The following SLC9A9 variants were observed in gnomAD, a reference collection of about 807,000 sequenced individuals.
SLC9A9 encodes solute carrier family 9 member A9.
Under a neutral mutation model 77.8 loss-of-function variants are expected in SLC9A9, and 62 were observed. The observed-to-expected ratio is 0.80, with a 90% CI of 0.65 to 0.98. The LOEUF is 0.98. Ranked by LOEUF, SLC9A9 falls within the 50% of genes least tolerant of loss-of-function variation. The pLI is 0.00. For synonymous variants in SLC9A9, 320 were observed against 283.5 expected, an observed-to-expected ratio of 1.13 and a Z score of -1.29; for missense variants, 775 against 774.9, an observed-to-expected ratio of 1.00 and a Z score of 0.00.
intron 4 of SLC9A9, among the ~76,000 whole-genome samples, chr3:143,735,986 C>T (rs142571323): frequency 3.9e-5 from 6 of 152,264 alleles, no homozygotes; most frequent in Admixed American, 3.3e-4. Context: ...AAAATAATGA[C>T]ATGAAATATC....
chr3:143,351,065 T>C (rs1406141688), intron 14 of SLC9A9, among the ~76,000 whole-genome samples: 1 of 152,206 alleles, frequency 6.6e-6, no homozygotes, highest in Non-Finnish European at 1.5e-5. Flanking sequence ...ACAAGAATTT[T>C]ATACCAGCAA....
intron 6 of SLC9A9, among the ~76,000 whole-genome samples, chr3:143,582,875 G>T (rs2037480129): frequency 6.6e-6 from 1 of 152,152 alleles, no homozygotes; most frequent in African/African-American, 2.4e-5. Context: ...GGCTGGGCAG[G>T]GTGGCTCGCT....
intron 5 of SLC9A9, among the ~76,000 whole-genome samples, chr3:143,667,425 G>A (rs1363748665): frequency 6.6e-6 from 1 of 152,150 alleles, no homozygotes; most frequent in Non-Finnish European, 1.5e-5. Context: ...GCATGGGCAA[G>A]GACTTCATGT....
At chr3:143,756,402 T>C (rs1236947764) in intron 4 of SLC9A9, among the ~76,000 whole-genome samples, 1 of 152,198 alleles carries the variant, frequency 6.6e-6, no homozygotes, top group Non-Finnish European at 1.5e-5. Flanking sequence ...TACCTAAATC[T>C]AGTGCCATGT....
intron 6 of SLC9A9, among the ~76,000 whole-genome samples, chr3:143,646,353 A>G (rs2038707746): frequency 6.8e-6 from 1 of 148,138 alleles, no homozygotes; most frequent in African/African-American, 2.4e-5. Flanking sequence ...GTATGTTAGT[A>G]TATATAATAT....
intron 4 of SLC9A9, among the ~76,000 whole-genome samples, chr3:143,713,787 CT>C (rs1934259874): frequency 6.6e-6 from 1 of 152,062 alleles, no homozygotes; most frequent in African/African-American, 2.4e-5. Flanking sequence ...AACGAGATAA[CT>C]TTTAAGGTGA....
At chr3:143,660,331 C>G (rs2038960173) in intron 5 of SLC9A9, among the ~76,000 whole-genome samples, 1 of 152,178 alleles carries the variant, frequency 6.6e-6, no homozygotes. Flanking sequence ...CTGTTCTTGG[C>G]TCTGAGATGT....
chr3:143,330,287 C>T (rs939714234), intron 14 of SLC9A9, among the ~76,000 whole-genome samples: 1 of 152,172 alleles, frequency 6.6e-6, no homozygotes, highest in African/African-American at 2.4e-5. Flanking sequence ...TTAAATTCAG[C>T]GCCAAGAGGT....
At chr3:143,662,807 G>C (rs1465400982) in intron 5 of SLC9A9, among the ~76,000 whole-genome samples, 1 of 152,058 alleles carries the variant, frequency 6.6e-6, no homozygotes, top group African/African-American at 2.4e-5. Context: ...TGGGAAGCTC[G>C]AACTGGGTGA....
intron 12 of SLC9A9, among the ~76,000 whole-genome samples, chr3:143,403,430 G>A (rs1451383777): frequency 1.3e-5 from 2 of 150,912 alleles, no homozygotes; most frequent in East Asian, 1.9e-4. Context: ...TAGTTAATAC[G>A]TAGTTACCTT....
chr3:143,437,716 A>G (rs561290695), intron 12 of SLC9A9, among the ~76,000 whole-genome samples: 4 of 152,364 alleles, frequency 2.6e-5, no homozygotes, highest in Admixed American at 2.0e-4. Context: ...CCCCACCCCC[A>G]GTCACTAAAC....
At chr3:143,754,363 G>A (rs139058155) in intron 4 of SLC9A9, among the ~76,000 whole-genome samples, 2,733 of 152,270 alleles carry the variant, frequency 0.018, 37 homozygotes, top group Middle Eastern at 0.037. Context: ...CTATGGCTGG[G>A]AAGCTCCTGT....
intron 14 of SLC9A9, among the ~76,000 whole-genome samples, chr3:143,330,639 A>C (rs2031739907): frequency 6.6e-6 from 1 of 152,214 alleles, no homozygotes; most frequent in African/African-American, 2.4e-5. Context: ...TCTGTTCCTA[A>C]CAGAAGTGAC....
chr3:143,686,295 T>A (rs533276939), intron 5 of SLC9A9, among the ~76,000 whole-genome samples: 1 of 151,640 alleles, frequency 6.6e-6, no homozygotes, highest in South Asian at 2.1e-4. Context: ...TCCAGAAAAA[T>A]AGAAAAAAAT....
intron 1 of SLC9A9, among the ~76,000 whole-genome samples, chr3:143,844,420 G>A (rs1354545436): frequency 2.0e-5 from 3 of 152,124 alleles, no homozygotes; most frequent in Non-Finnish European, 4.4e-5. Flanking sequence ...AAAGCAGATG[G>A]CAGAATAGGC....
intron 11 of SLC9A9, among the ~76,000 whole-genome samples, chr3:143,488,927 A>G (rs539527764): frequency 2.1e-4 from 32 of 152,094 alleles, no homozygotes; most frequent in Non-Finnish European, 4.4e-5. Flanking sequence ...AGGTATTCAA[A>G]CTGAAAAAGA....
At chr3:143,453,149 G>T (rs1201909885) in intron 12 of SLC9A9, among the ~76,000 whole-genome samples, 1 of 151,928 alleles carries the variant, frequency 6.6e-6, no homozygotes, top group Non-Finnish European at 1.5e-5. Flanking sequence ...CCATTTTTTA[G>T]CTACAAATGA....
chr3:143,820,226 G>A (rs1269623691), intron 2 of SLC9A9, among the ~76,000 whole-genome samples: 1 of 152,122 alleles, frequency 6.6e-6, no homozygotes, highest in Non-Finnish European at 1.5e-5. Context: ...TCTAGAGATT[G>A]GCCTTTTAAC....
At chr3:143,764,584 T>G (rs1159018995) in intron 4 of SLC9A9, among the ~76,000 whole-genome samples, 1 of 152,184 alleles carries the variant, frequency 6.6e-6, no homozygotes, top group Non-Finnish European at 1.5e-5. Flanking sequence ...TTGTTGGTTT[T>G]GAGGCAGGGT....
Sources: allele counts gnomAD v4.1 joint callset (sites outside exome capture counted in the v4.1 genomes callset), GRCh38; gene constraint gnomAD v4.1.1; transcripts MANE v1.5; gene names NCBI Gene and HGNC (gene_info 2026-07-23, HGNC 2026-07-21).